Variants in FAM124A observed in about 807,000 individuals in gnomAD.
FAM124A encodes protein FAM124A.
In FAM124A, 23 loss-of-function variants were observed where a neutral mutation model predicts 24.5. The observed-to-expected ratio is 0.94, with a 90% CI of 0.68 to 1.33. The LOEUF (loss-of-function observed/expected upper bound fraction) is 1.33. Among genes scored for constraint, FAM124A ranks in the 40% most tolerant of loss-of-function variants. FAM124A has a pLI of 0.00. For missense variants in FAM124A, 623 were observed against 722.8 expected (o/e 0.86, Z 1.58); for synonymous variants, 287 against 314.7 (o/e 0.91, Z 0.93).
chr13:51,277,780 G>A (rs1327501790), intron 3 of FAM124A, among the ~76,000 whole-genome samples: 5 of 104,224 alleles, frequency 4.8e-5, no homozygotes, highest in African/African-American at 2.9e-4. Context: ...GCGACAGAGC[G>A]AGACTCTGTC....
intron 3 of FAM124A, among the ~76,000 whole-genome samples, chr13:51,271,126 A>T (rs1317860913): frequency 1.3e-5 from 2 of 152,256 alleles, no homozygotes; most frequent in Non-Finnish European, 2.9e-5. Context: ...TTTAGCCAAG[A>T]TAATTGTATA....
In FAM124A at chr13:51,281,251, A is replaced by C; in HGVS notation, c.1636A>C (p.Ile546Leu). ...GGATAACGACATGGAGGAATTCTACATCTGAATGCCCTCTGCTCTTGTTCT... is the reference window on the plus strand; with the variant it reads ...GGATAACGACATGGAGGAATTCTACCTCTGAATGCCCTCTGCTCTTGTTCT... ...PGDNDMEEFY[I>L] The change falls in exon 4 of 4, where the codon ATC becomes CTC. Residue 546 changes from isoleucine (I) to leucine (L), a missense_variant. By Grantham distance (5) the Ile-to-Leu change is conservative. Transcript: ENST00000322475. 1 of 1,561,022 alleles carries C rather than the reference A, an allele frequency of 6.4e-7. No homozygotes were observed. The highest frequency in any genetic ancestry group is 8.6e-7 in the Non-Finnish European group (1 of 1,157,790).
chr13:51,242,584 A>G (rs571389232), intron 2 of FAM124A, among the ~76,000 whole-genome samples: 98 of 152,264 alleles, frequency 6.4e-4, no homozygotes, highest in Non-Finnish European at 1.1e-3. Flanking sequence ...AGTGTCTGTC[A>G]TTCCTTTGGT....
At chr13:51,241,214 A>G (rs1269960661) in intron 2 of FAM124A, among the ~76,000 whole-genome samples, 1 of 152,242 alleles carries the variant, frequency 6.6e-6, no homozygotes, top group East Asian at 1.9e-4. Flanking sequence ...GTGAACAGCC[A>G]GGACTCTGTA....
chr13:51,226,653 G>T (rs936658613), intron 1 of FAM124A, among the ~76,000 whole-genome samples: 1 of 152,206 alleles, frequency 6.6e-6, no homozygotes, highest in Admixed American at 6.5e-5. Flanking sequence ...TTGGGGTAAG[G>T]GGGTGTGAAC....
At chr13:51,279,146 C>T (rs1283968471) in intron 3 of FAM124A, among the ~76,000 whole-genome samples, 1 of 152,150 alleles carries the variant, frequency 6.6e-6, no homozygotes, top group Non-Finnish European at 1.5e-5. Flanking sequence ...AACATTGTCC[C>T]CCTCCCCCGG....
At chr13:51,240,606 T>A (rs1006024817) in intron 2 of FAM124A, among the ~76,000 whole-genome samples, 12 of 152,310 alleles carry the variant, frequency 7.9e-5, no homozygotes, top group Middle Eastern at 3.4e-3. Flanking sequence ...GGTCTCTCTA[T>A]GAGACAGTGT....
chr13:51,250,163 C>G (rs928520962), intron 2 of FAM124A, among the ~76,000 whole-genome samples: 2 of 152,144 alleles, frequency 1.3e-5, no homozygotes, highest in Admixed American at 1.3e-4. Context: ...GACTTGTAAG[C>G]CCACTTGGAA....
chr13:51,227,869 A>C (rs918578509), intron 1 of FAM124A, among the ~76,000 whole-genome samples: 2 of 152,236 alleles, frequency 1.3e-5, no homozygotes, highest in African/African-American at 4.8e-5. Flanking sequence ...GCTGTGACTT[A>C]AGACATAACA....
At chr13:51,259,196 G>A (rs1311106334) in intron 3 of FAM124A, among the ~76,000 whole-genome samples, 1 of 152,080 alleles carries the variant, frequency 6.6e-6, no homozygotes, top group African/African-American at 2.4e-5. Flanking sequence ...TGCCACCTCC[G>A]TCTCTAAATG....
rs369832545 is a variant in FAM124A, at chr13:51,280,467, G to A, written c.852G>A (p.Lys284=). The change falls in exon 4 of 4, where the codon AAG becomes AAA. Residue 284 remains lysine (K), a synonymous_variant. Coordinates refer to ENST00000322475, the MANE Select transcript of FAM124A (RefSeq NM_001242312.2). ...KILLQAQRVH[K]KFPKPGRVHH... The stretch of plus-strand genomic sequence containing the variant: ...CCCCACAGGCACAAAGGGTGCATAA[G>A]AAGTTTCCTAAACCTGGCAGAGTAC... 3.1e-6 allele frequency: 5 copies of A among 1,606,918 alleles called. No homozygotes were observed. Among genetic ancestry groups the A allele is most frequent in the Non-Finnish European group, 2.6e-6 (3 of 1,175,758 alleles).
chr13:51,244,011 A>G (rs1309485884), intron 2 of FAM124A, among the ~76,000 whole-genome samples: 1 of 152,156 alleles, frequency 6.6e-6, no homozygotes, highest in Non-Finnish European at 1.5e-5. Flanking sequence ...AGAAATGCAA[A>G]TAAGTGTTTA....
chr13:51,223,262 T>G (rs1954280707), intron 1 of FAM124A, among the ~76,000 whole-genome samples: 1 of 151,792 alleles, frequency 6.6e-6, no homozygotes, highest in Non-Finnish European at 1.5e-5. Context: ...CTTTGGAGAC[T>G]AATTAGTTAG....
intron 3 of FAM124A, among the ~76,000 whole-genome samples, chr13:51,257,339 C>G (rs901588299): frequency 5.9e-5 from 9 of 152,158 alleles, no homozygotes; most frequent in African/African-American, 2.2e-4. Flanking sequence ...TTTAGGGAAG[C>G]AGAGAAAGGC....
chr13:51,260,178 C>A lies in FAM124A; in HGVS notation c.834+7977C>A, dbSNP rs568404669. ...CAGATTGTGAGGTGGCCATCCTGTA[C>A]CCTGTCCCTGCCCCTTATGCCAAGC... On this transcript the variant is annotated intron_variant, in intron 3 of 3. Coordinates refer to ENST00000322475, the MANE Select transcript of FAM124A (RefSeq NM_001242312.2). 3.9e-5 allele frequency among the ~76,000 whole-genome samples: 6 copies of A among 152,292 alleles called. No homozygotes were observed. The East Asian group carries it at 7.7e-4, about 20-fold the overall frequency.
intron 2 of FAM124A, among the ~76,000 whole-genome samples, chr13:51,244,502 A>C (rs1166468253): frequency 6.6e-6 from 1 of 152,226 alleles, no homozygotes; most frequent in African/African-American, 2.4e-5. Context: ...ATCGTTGCCC[A>C]AAAATTCTAG....
Position 51,255,978 on chromosome 13 carries a change from G to A in FAM124A, c.834+3777G>A, listed in dbSNP as rs565596160. ...CTGGAGCCTATTCTCTATGTGATAG[G>A]TAAAGGACAGGCTCATGTGTCCTGC... On this transcript the variant is annotated intron_variant, in intron 3 of 3. Transcript: ENST00000322475. Among the ~76,000 whole-genome samples the A allele has an allele frequency of 5.3e-5, 8 of 152,320 alleles. No homozygotes were observed. In the East Asian group the frequency reaches 1.5e-3, roughly 29 times the overall value.
Position 51,258,734 on chromosome 13 carries a change from G to C in FAM124A, c.834+6533G>C, listed in dbSNP as rs1345779630. ...TTTCCAAATCTGAACACTTAGGATG[G>C]TAATTCTTCCCTAGCAGAGTCACTG... On this transcript the variant is annotated intron_variant, in intron 3 of 3. Coordinates refer to ENST00000322475, the MANE Select transcript of FAM124A (RefSeq NM_001242312.2). The surrounding 1 kb of genome is among the most constrained non-coding windows in gnomAD (Gnocchi z 4.2). Among the ~76,000 whole-genome samples, 1 of 152,206 alleles carries C rather than the reference G, an allele frequency of 6.6e-6. No individual in the cohort carries two copies. Among genetic ancestry groups the C allele is most frequent in the Admixed American group, 6.5e-5 (1 of 15,284 alleles).
Position 51,258,825 on chromosome 13 carries a change from G to A in FAM124A, c.834+6624G>A, listed in dbSNP as rs992487240. On this transcript the variant is annotated intron_variant, in intron 3 of 3. Coordinates refer to ENST00000322475, the MANE Select transcript of FAM124A (RefSeq NM_001242312.2). The surrounding 1 kb of genome is among the most constrained non-coding windows in gnomAD (Gnocchi z 4.2). ...CACCCATGACCCGGGAATGGCAACCGTTACCACACACAGGTGGATGGGTTC... is the reference window on the plus strand; with the variant it reads ...CACCCATGACCCGGGAATGGCAACCATTACCACACACAGGTGGATGGGTTC... Among the ~76,000 whole-genome samples, 7 of 152,226 alleles carry A rather than the reference G, an allele frequency of 4.6e-5. No individual in the cohort carries two copies. Among genetic ancestry groups the A allele is most frequent in the Admixed American group, 4.6e-4 (7 of 15,284 alleles).
Sources: allele counts gnomAD v4.1 joint callset (sites outside exome capture counted in the v4.1 genomes callset), GRCh38; gene constraint gnomAD v4.1.1; non-coding constraint Gnocchi (gnomAD v3.1); transcripts MANE v1.5; gene names NCBI Gene and HGNC (gene_info 2026-07-23, HGNC 2026-07-21).